Variants in SPATA6 observed in about 807,000 individuals in gnomAD.
SPATA6 encodes the protein spermatogenesis-associated protein 6.
Under a neutral mutation model 65.3 loss-of-function variants are expected in SPATA6, and 56 were observed. The observed-to-expected ratio is 0.86, with a 90% CI of 0.69 to 1.07. The LOEUF is 1.07. Ranked by LOEUF, SPATA6 falls within the 50% of genes least tolerant of loss-of-function variation. The pLI is 0.00. For missense variants in SPATA6, 590 were observed against 594.8 expected, an observed-to-expected ratio of 0.99 and a Z score of 0.08; for synonymous variants, 199 against 213.2, an observed-to-expected ratio of 0.93 and a Z score of 0.58.
rs534722021 is a variant in SPATA6, at chr1:48,344,616, G to T, written c.1194+11054C>A. ...ATAAAGAACCAAGACTTGTTGGTATGCTGTCTTCAAGAGACCCAAGAGACA... is the reference window on the plus strand; with the variant it reads ...ATAAAGAACCAAGACTTGTTGGTATTCTGTCTTCAAGAGACCCAAGAGACA... On this transcript the variant is annotated intron_variant, in intron 11 of 12. Coordinates refer to ENST00000371847, the MANE Select transcript of SPATA6 (RefSeq NM_019073.4). 7.9e-5 allele frequency among the ~76,000 whole-genome samples: 12 copies of T among 152,262 alleles called. No individual in the cohort carries two copies. In the South Asian group the frequency reaches 2.5e-3, roughly 32 times the overall value.
At chr1:48,382,432 C>T (rs1431155566) in intron 9 of SPATA6, among the ~76,000 whole-genome samples, 2 of 141,500 alleles carry the variant, frequency 1.4e-5, no homozygotes, top group Non-Finnish European at 3.1e-5. Flanking sequence ...CCCCTCACCT[C>T]CTGGATAGGG....
intron 9 of SPATA6, among the ~76,000 whole-genome samples, chr1:48,377,674 G>C (rs1226048846): frequency 6.6e-6 from 1 of 152,108 alleles, no homozygotes; most frequent in East Asian, 1.9e-4. Flanking sequence ...GTGCAGAGAC[G>C]ATTTCTAGTT....
intron 8 of SPATA6, among the ~76,000 whole-genome samples, chr1:48,392,445 A>C (rs1246305284): frequency 1.3e-5 from 2 of 152,152 alleles, no homozygotes; most frequent in Admixed American, 6.5e-5. Flanking sequence ...AGGACTGCAC[A>C]AATTACAATT....
intron 10 of SPATA6, among the ~76,000 whole-genome samples, chr1:48,358,351 TA>T (rs1177036686): frequency 6.6e-6 from 1 of 151,502 alleles, no homozygotes; most frequent in African/African-American, 2.4e-5. Flanking sequence ...TAAAAGTAAA[TA>T]AAAACAAATT....
intron 11 of SPATA6, chr1:48,325,260 T>C: frequency 1.2e-6 from 1 of 868,854 alleles, no homozygotes; most frequent in Non-Finnish European, 1.8e-6. Flanking sequence ...GGATATGGCA[T>C]AAACAAGCCA....
Position 48,411,942 on chromosome 1 carries a change from C to T in SPATA6, c.281-354G>A, listed in dbSNP as rs536894191. Among the ~76,000 whole-genome samples, 31 of 152,028 alleles carry T rather than the reference C, an allele frequency of 2.0e-4. No individual in the cohort carries two copies. The South Asian group carries it at 2.7e-3, about 13-fold the overall frequency. On this transcript the variant is annotated intron_variant, in intron 4 of 12. Coordinates refer to ENST00000371847, the MANE Select transcript of SPATA6 (RefSeq NM_019073.4). ...GCAATGGTGCCATCTCAGCTCACTG[C>T]AACCTCCACCCCACCCTGGGTTCAA... is the stretch of plus-strand genomic sequence containing the variant.
At position 48,305,767 on chromosome 1, in the gene SPATA6, T is replaced by G; in HGVS notation, c.1286+20A>C. Reference sequence around the variant, plus strand: ...TTTTATCAGAACTATGAGAAGGATATACATATATTTCATTCATACCTATAC... The same window carrying G: ...TTTTATCAGAACTATGAGAAGGATAGACATATATTTCATTCATACCTATAC... On this transcript the variant is annotated intron_variant, in intron 12 of 12. Coordinates refer to ENST00000371847, the MANE Select transcript of SPATA6 (RefSeq NM_019073.4). The G allele has an allele frequency of 2.6e-6, 4 of 1,558,870 alleles. No individual in the cohort carries two copies. The highest frequency in any genetic ancestry group is 3.5e-6 in the Non-Finnish European group (4 of 1,139,440).
intron 3 of SPATA6, among the ~76,000 whole-genome samples, chr1:48,443,719 C>T (rs1655739123): frequency 6.6e-6 from 1 of 152,232 alleles, no homozygotes; most frequent in South Asian, 2.1e-4. Flanking sequence ...CAGACAACGC[C>T]TGTCAAACTC....
chr1:48,298,438 G>A lies in SPATA6; in HGVS notation c.*275C>T. On this transcript the variant is annotated 3_prime_UTR_variant, in exon 13 of 13. Coordinates refer to ENST00000371847, the MANE Select transcript of SPATA6 (RefSeq NM_019073.4). ...TGGATTTGCAGATGGAATATGAGGT[G>A]TACATGTAACAGAATATCCTTGTCA... 3.8e-6 allele frequency: 1 copy of A among 263,736 alleles called. No individual in the cohort carries two copies. Among genetic ancestry groups the A allele is most frequent in the South Asian group, 1.3e-4 (1 of 7,480 alleles). 16.3% of individuals were successfully genotyped at this position (263,736 alleles called of 1,614,324 possible). A position where few individuals can be genotyped will look rare whatever the true frequency, so the allele number is the denominator to read the frequency against.
At chr1:48,366,877 A>G (rs1343757349) in intron 9 of SPATA6, among the ~76,000 whole-genome samples, 3 of 151,866 alleles carry the variant, frequency 2.0e-5, no homozygotes, top group African/African-American at 7.3e-5. Context: ...AGTTCTTTTA[A>G]TTGTGATGTT....
chr1:48,322,895 G>A (rs1448360048), intron 11 of SPATA6, among the ~76,000 whole-genome samples: 3 of 152,178 alleles, frequency 2.0e-5, no homozygotes, highest in African/African-American at 4.8e-5. Flanking sequence ...CAGTTAGAAT[G>A]GCGATCATTA....
chr1:48,357,139 T>G (rs1278703984), intron 10 of SPATA6, among the ~76,000 whole-genome samples: 1 of 152,152 alleles, frequency 6.6e-6, no homozygotes, highest in South Asian at 2.1e-4. Context: ...TTTATAAAAC[T>G]CAAAACTTTA....
intron 11 of SPATA6, among the ~76,000 whole-genome samples, chr1:48,345,172 C>T (rs1646329309): frequency 6.6e-6 from 1 of 152,006 alleles, no homozygotes; most frequent in Non-Finnish European, 1.5e-5. Flanking sequence ...AACAATCTCT[C>T]AGACCACAAC....
chr1:48,431,564 G>A (rs1654405833), intron 3 of SPATA6, among the ~76,000 whole-genome samples: 2 of 152,150 alleles, frequency 1.3e-5, no homozygotes, highest in Admixed American at 6.5e-5. Flanking sequence ...GATTTAGGAA[G>A]ATGGATATAC....
At chr1:48,417,103 T>A (rs1570506514) in intron 3 of SPATA6, among the ~76,000 whole-genome samples, 1 of 152,166 alleles carries the variant, frequency 6.6e-6, no homozygotes, top group East Asian at 1.9e-4. Context: ...GCCACTGCAA[T>A]AAAGCAATAA....
chr1:48,283,100 G>A, the SPATA6 span, among the ~76,000 whole-genome samples: 94 of 146,130 alleles, frequency 6.4e-4, no homozygotes, highest in African/African-American at 2.1e-3. Context: ...ACCAAACACC[G>A]CATATTCTTA....
rs1644857856 is a variant in SPATA6 at position 48,298,714 on chromosome 1, CAGA to C, written c.1463_1465del (p.Phe488del). On this transcript the variant is annotated inframe_deletion, in exon 13 of 13. Transcript: ENST00000371847. ...TAATGAGGTTTATCATGGATGGTCT[CAGA>C]AGCTTTCCTGTGTATGTGAAGCAGA... 1 of 1,610,952 alleles carries C rather than the reference CAGA, an allele frequency of 6.2e-7. No homozygotes were observed. The highest frequency in any genetic ancestry group is 8.5e-7 in the Non-Finnish European group (1 of 1,178,502).
At chr1:48,381,428 G>A (rs1648564757) in intron 9 of SPATA6, among the ~76,000 whole-genome samples, 2 of 152,100 alleles carry the variant, frequency 1.3e-5, no homozygotes, top group South Asian at 4.1e-4. Flanking sequence ...GCTTCACCTA[G>A]ATGATTCTGT....
In SPATA6 at chr1:48,412,743, C is replaced by T. The variant is rs558790794; in HGVS notation, c.280+367G>A. Among the ~76,000 whole-genome samples the T allele has an allele frequency of 9.9e-5, 15 of 152,124 alleles. No homozygotes were observed. In the South Asian group the frequency reaches 2.7e-3, roughly 27 times the overall value. On this transcript the variant is annotated intron_variant, in intron 4 of 12. Transcript: ENST00000371847. Reference sequence around the variant, plus strand: ...AAGTGATTCTTCTGTCTCAGCCTCCCGAGTAGTTGGGATTACAGATGCCCA... The same window carrying T: ...AAGTGATTCTTCTGTCTCAGCCTCCTGAGTAGTTGGGATTACAGATGCCCA...
Sources: gnomAD v4.1 joint callset for allele counts (sites outside exome capture counted in the v4.1 genomes callset) on GRCh38, gnomAD v4.1.1 for gene constraint, MANE v1.5 for transcripts, NCBI Gene and HGNC (gene_info 2026-07-23, HGNC 2026-07-21) for gene names.